AUTS2: variants seen among roughly 807,000 people sequenced by gnomAD.
The protein encoded by AUTS2 is autism susceptibility gene 2 protein.
In AUTS2, 17 loss-of-function variants were observed where a neutral mutation model predicts 112.4. The observed-to-expected ratio is 0.15, with a 90% CI of 0.10 to 0.23. AUTS2 has a LOEUF of 0.23. Among genes scored for constraint, AUTS2 ranks in the 10% least tolerant of loss-of-function variants. AUTS2 has a pLI of 1.00. For missense variants in AUTS2, 1,510 were observed against 1,701.6 expected (o/e 0.89, Z 1.98); for synonymous variants, 751 against 702.7 (o/e 1.07, Z -1.09).
intron 4 of AUTS2, among the ~76,000 whole-genome samples, chr7:70,422,228 T>TA (rs376084887): frequency 2.6e-4 from 40 of 152,224 alleles, no homozygotes; most frequent in African/African-American, 5.3e-4. Context: ...CTTGCATTTG[T>TA]AAAAAAACAA....
chr7:70,382,491 A>G (rs995301885), intron 4 of AUTS2, among the ~76,000 whole-genome samples: 8 of 152,122 alleles, frequency 5.3e-5, no homozygotes, highest in Non-Finnish European at 1.2e-4. Context: ...AAATTCCTCT[A>G]TCTGGCAGTA....
intron 5 of AUTS2, among the ~76,000 whole-genome samples, chr7:70,511,556 A>ATTGTCTTTTTTTTTTT (rs1563005631): frequency 2.4e-5 from 1 of 41,766 alleles, no homozygotes; most frequent in African/African-American, 9.9e-5. Context: ...ACTTTTTTTC[A>ATTGTCTTTTTTTTTTT]TTTTCTTTTT....
intron 4 of AUTS2, among the ~76,000 whole-genome samples, chr7:70,250,042 A>G (rs1786513256): frequency 6.6e-6 from 1 of 151,828 alleles, no homozygotes; most frequent in African/African-American, 2.4e-5. Context: ...TTTAATATTA[A>G]GTAAAGTATT....
At chr7:69,631,047 CAA>C (rs562218187) in intron 1 of AUTS2, among the ~76,000 whole-genome samples, 20 of 152,142 alleles carry the variant, frequency 1.3e-4, no homozygotes, top group African/African-American at 4.8e-4. Context: ...GGCGTAGAAA[CAA>C]GAGGTAGAAC....
intron 6 of AUTS2, among the ~76,000 whole-genome samples, chr7:70,712,197 T>C (rs1288112552): frequency 7.8e-4 from 35 of 44,890 alleles, no homozygotes; most frequent in African/African-American, 2.7e-3. Context: ...GGCTCACTTT[T>C]TTTTTTTTTT....
At chr7:70,027,884 GT>G (rs57936972) in intron 2 of AUTS2, among the ~76,000 whole-genome samples, 128,824 of 151,778 alleles carry the variant, frequency 0.85, 55,002 homozygotes, top group African/African-American at 0.94. Context: ...TGCTTTAAGT[GT>G]TTTTTTTTGT....
chr7:70,338,501 A>G (rs1351437111), intron 4 of AUTS2, among the ~76,000 whole-genome samples: 6 of 152,232 alleles, frequency 3.9e-5, no homozygotes, highest in South Asian at 2.1e-4. Flanking sequence ...AAGATCGCCT[A>G]CATTGTATAA....
intron 5 of AUTS2, among the ~76,000 whole-genome samples, chr7:70,547,117 C>A (rs369843466): frequency 1.3e-5 from 2 of 152,298 alleles, no homozygotes; most frequent in Non-Finnish European, 1.5e-5. Context: ...ACATTTTCAT[C>A]ATTCCAGTAA....
At chr7:70,669,864 C>T (rs1216158415) in intron 5 of AUTS2, among the ~76,000 whole-genome samples, 1 of 152,186 alleles carries the variant, frequency 6.6e-6, no homozygotes, top group Non-Finnish European at 1.5e-5. Flanking sequence ...ATGCACATCG[C>T]ATCTCACACA....
chr7:69,739,874 G>A (rs908391229), intron 1 of AUTS2, among the ~76,000 whole-genome samples: 2 of 152,092 alleles, frequency 1.3e-5, no homozygotes, highest in African/African-American at 4.8e-5. Flanking sequence ...TCTGTATGTT[G>A]GGGAAGGATT....
At chr7:69,701,172 A>C (rs943429581) in intron 1 of AUTS2, among the ~76,000 whole-genome samples, 2 of 152,302 alleles carry the variant, frequency 1.3e-5, no homozygotes, top group African/African-American at 4.8e-5. Context: ...GTGAAGATTA[A>C]ATGTGATGAG....
chr7:69,926,300 C>T (rs1796005838), intron 2 of AUTS2, among the ~76,000 whole-genome samples: 1 of 152,052 alleles, frequency 6.6e-6, no homozygotes, highest in Non-Finnish European at 1.5e-5. Flanking sequence ...TCCTATTGTC[C>T]TGTGCTATTT....
chr7:70,569,564 T>A lies in AUTS2; in HGVS notation c.691-129005T>A, dbSNP rs182856006. On this transcript the variant is annotated intron_variant, in intron 5 of 18. Coordinates refer to ENST00000342771, the MANE Select transcript of AUTS2 (RefSeq NM_015570.4). The stretch of plus-strand genomic sequence containing the variant: ...TTTCTGTCTCCCTAGTTCAGCACAG[T>A]CAGTTTTGACACACTGTCCCAGTAA... 2.1e-4 allele frequency among the ~76,000 whole-genome samples: 32 copies of A among 152,352 alleles called. No homozygotes were observed. The East Asian group carries it at 5.6e-3, about 27-fold the overall frequency.
At position 70,781,115 on chromosome 7, in the gene AUTS2, C is replaced by G. The variant is rs537112625; in HGVS notation, c.2005-500C>G. ...GTGGCTCACACCTGTAATCCTAGCA[C>G]TTTGGGAGACCGAGATGGGCGGATC... On this transcript the variant is annotated intron_variant, in intron 14 of 18. Transcript: ENST00000342771. Among the ~76,000 whole-genome samples the G allele has an allele frequency of 8.5e-5, 13 of 152,232 alleles. No homozygotes were observed. The South Asian group carries it at 2.7e-3, about 32-fold the overall frequency.
chr7:69,863,915 A>G (rs1793103606), intron 1 of AUTS2, among the ~76,000 whole-genome samples: 1 of 152,090 alleles, frequency 6.6e-6, no homozygotes, highest in Non-Finnish European at 1.5e-5. Flanking sequence ...TCTGCGTTTC[A>G]TTCCCTGCTC....
intron 5 of AUTS2, among the ~76,000 whole-genome samples, chr7:70,638,122 A>G (rs944005612): frequency 1.3e-5 from 2 of 152,122 alleles, no homozygotes; most frequent in African/African-American, 4.8e-5. Context: ...ACTTCTAGAG[A>G]GCCAGACTTT....
chr7:69,700,825 C>T (rs1797772372), intron 1 of AUTS2, among the ~76,000 whole-genome samples: 1 of 152,166 alleles, frequency 6.6e-6, no homozygotes, highest in Admixed American at 6.5e-5. Flanking sequence ...TCCTCTCTGC[C>T]TCACATGCTA....
intron 6 of AUTS2, among the ~76,000 whole-genome samples, chr7:70,726,692 C>T (rs926118786): frequency 6.6e-6 from 1 of 152,170 alleles, no homozygotes; most frequent in African/African-American, 2.4e-5. Flanking sequence ...CAGCTTATTG[C>T]TGTTGGAGAG....
At chr7:69,866,815 A>G (rs1489625300) in intron 1 of AUTS2, among the ~76,000 whole-genome samples, 4 of 152,170 alleles carry the variant, frequency 2.6e-5, no homozygotes, top group African/African-American at 7.2e-5. Context: ...GGGATTTTCT[A>G]GCATAGCCTA....
Sources: gnomAD v4.1 joint callset for allele counts (sites outside exome capture counted in the v4.1 genomes callset) on GRCh38, gnomAD v4.1.1 for gene constraint, MANE v1.5 for transcripts, NCBI Gene and HGNC (gene_info 2026-07-23, HGNC 2026-07-21) for gene names.